ASIP: variants seen among roughly 807,000 people sequenced by gnomAD.
ASIP encodes agouti signaling protein.
Under a neutral mutation model 10.3 loss-of-function variants are expected in ASIP, and 11 were observed. The observed-to-expected ratio is 1.07, with a 90% CI of 0.68 to 1.78. The LOEUF is 1.78. ASIP is among the 40% of genes most tolerant of loss of function. The probability of loss-of-function intolerance (pLI) is 0.00; values close to 1 mark genes in which losing one functional copy is unlikely to be tolerated. For missense variants in ASIP, 180 were observed against 169.2 expected, an observed-to-expected ratio of 1.06 and a Z score of -0.35; for synonymous variants, 70 against 70.8, an observed-to-expected ratio of 0.99 and a Z score of 0.06.
intron 2 of ASIP, among the ~76,000 whole-genome samples, chr20:34,262,211 C>G (rs1222449146): frequency 6.6e-6 from 1 of 152,188 alleles, no homozygotes; most frequent in Non-Finnish European, 1.5e-5. Context: ...TTCAGTGTAA[C>G]AGACTTTTCA....
At chr20:34,224,484 C>T (rs1396476622) in intron 1 of ASIP, among the ~76,000 whole-genome samples, 1 of 151,474 alleles carries the variant, frequency 6.6e-6, no homozygotes, top group African/African-American at 2.4e-5. Context: ...GGCTTTTAGA[C>T]GTCAAAAGGG....
At chr20:34,191,726 C>G (rs1487200669), upstream of ASIP, among the ~76,000 whole-genome samples, 1 of 138,732 alleles carries the variant, frequency 7.2e-6, no homozygotes, top group Admixed American at 6.8e-5. Flanking sequence ...TCCTCTCTCT[C>G]TCTCTTTTTT....
chr20:34,252,772 A>T (rs1340186002), intron 1 of ASIP, among the ~76,000 whole-genome samples: 3 of 151,886 alleles, frequency 2.0e-5, no homozygotes, highest in Admixed American at 6.6e-5. Context: ...GTGGGGGGAA[A>T]CCTTGGACAA....
chr20:34,230,772 A>AC (rs1184080079), intron 1 of ASIP, among the ~76,000 whole-genome samples: 625 of 36,346 alleles, frequency 0.017, 60 homozygotes, highest in Non-Finnish European at 0.023. Context: ...GCCGGGGCTG[A>AC]CCCCCCCGCA....
At chr20:34,227,629 CAA>C (rs1207391194) in intron 1 of ASIP, among the ~76,000 whole-genome samples, 30 of 82,586 alleles carry the variant, frequency 3.6e-4, no homozygotes, top group Admixed American at 8.9e-4. Flanking sequence ...GGCTCCATCT[CAA>C]AAAAAAAAAA....
At chr20:34,223,629 G>A (rs1218025426) in intron 1 of ASIP, among the ~76,000 whole-genome samples, 1 of 144,552 alleles carries the variant, frequency 6.9e-6, no homozygotes, top group Non-Finnish European at 1.5e-5. Flanking sequence ...CAGCCGCCCC[G>A]TCCGGGAGGT....
At chr20:34,225,731 T>C (rs2122570832) in intron 1 of ASIP, among the ~76,000 whole-genome samples, 1 of 152,306 alleles carries the variant, frequency 6.6e-6, no homozygotes, top group South Asian at 2.1e-4. Context: ...GCTTTTTTTG[T>C]ATAAGTTCTC....
chr20:34,189,612 G>T (rs2034813380), upstream of ASIP, among the ~76,000 whole-genome samples: 1 of 152,214 alleles, frequency 6.6e-6, no homozygotes, highest in African/African-American at 2.4e-5. Flanking sequence ...ACTCAAGGGA[G>T]CATGTGAATA....
intron 1 of ASIP, among the ~76,000 whole-genome samples, chr20:34,210,462 C>T (rs1273986611): frequency 6.6e-6 from 1 of 152,228 alleles, no homozygotes; most frequent in Non-Finnish European, 1.5e-5. Context: ...CTGCCTGCCC[C>T]ACAGCAGCTG....
chr20:34,207,404 AG>A (rs1400916514), intron 1 of ASIP, among the ~76,000 whole-genome samples: 2 of 152,172 alleles, frequency 1.3e-5, no homozygotes, highest in African/African-American at 4.8e-5. Context: ...CAGTGAGTTG[AG>A]TTCCTTACAT....
intron 1 of ASIP, among the ~76,000 whole-genome samples, chr20:34,201,625 C>T (rs1045271454): frequency 6.6e-5 from 10 of 152,200 alleles, no homozygotes; most frequent in African/African-American, 2.4e-4. Context: ...TTGATAGATT[C>T]GGGTGCGAGT....
At chr20:34,213,365 A>C (rs1461400313) in intron 1 of ASIP, 1 of 577,752 alleles carries the variant, frequency 1.7e-6, no homozygotes, top group Non-Finnish European at 3.0e-6. Flanking sequence ...AAAACAGTCT[A>C]AGACAGAAAG....
intron 1 of ASIP, among the ~76,000 whole-genome samples, chr20:34,219,529 T>C (rs2035031312): frequency 6.6e-6 from 1 of 152,204 alleles, no homozygotes; most frequent in South Asian, 2.1e-4. Flanking sequence ...ATTTAAACAA[T>C]TAGACTCTGC....
chr20:34,204,425 G>C (rs1342410914), intron 1 of ASIP, among the ~76,000 whole-genome samples: 8 of 151,996 alleles, frequency 5.3e-5, no homozygotes, highest in Admixed American at 2.0e-4. Context: ...CTCCATGTTG[G>C]TTAGGCTGAT....
At chr20:34,211,768 T>C (rs1440284606) in intron 1 of ASIP, among the ~76,000 whole-genome samples, 5 of 152,254 alleles carry the variant, frequency 3.3e-5, no homozygotes, top group Non-Finnish European at 4.4e-5. Context: ...GCAGTCAGTC[T>C]TACTTTTTGA....
chr20:34,266,595 C>T (rs1260399336), intron 3 of ASIP, among the ~76,000 whole-genome samples: 1 of 151,202 alleles, frequency 6.6e-6, no homozygotes, highest in Non-Finnish European at 1.5e-5. Flanking sequence ...ATCACTGGAA[C>T]CCGGGAGATG....
In ASIP at chr20:34,222,788, G is replaced by A. The variant is rs973411297; in HGVS notation, c.-11+28028G>A. ...CGAGTGCCTGCAATTGCAGGCACGC[G>A]CCGCCACGCCTGACTGGTTTTGGTG... On this transcript the variant is annotated intron_variant, in intron 1 of 3. Transcript: ENST00000568305. 3.8e-4 allele frequency among the ~76,000 whole-genome samples: 57 copies of A among 151,886 alleles called. 1 individual carries two copies. Among genetic ancestry groups the A allele is most frequent in the Middle Eastern group, 6.8e-3 (2 of 294 alleles).
intron 1 of ASIP, among the ~76,000 whole-genome samples, chr20:34,251,256 T>C (rs1213269341): frequency 2.6e-5 from 4 of 151,806 alleles, no homozygotes; most frequent in Non-Finnish European, 4.4e-5. Context: ...GTGACCCTTA[T>C]AAATCTTTCT....
At chr20:34,216,313 G>A (rs1402307896) in intron 1 of ASIP, among the ~76,000 whole-genome samples, 1 of 152,244 alleles carries the variant, frequency 6.6e-6, no homozygotes, top group Admixed American at 6.5e-5. Flanking sequence ...GGTGCCGCGC[G>A]GGCGGGCGCT....
Sources: allele counts gnomAD v4.1 joint callset (sites outside exome capture counted in the v4.1 genomes callset), GRCh38; gene constraint gnomAD v4.1.1; transcripts MANE v1.5; gene names NCBI Gene and HGNC (gene_info 2026-07-23, HGNC 2026-07-21).